Variants in PRKAG2 observed in about 807,000 individuals in gnomAD.
PRKAG2 encodes protein kinase AMP-activated non-catalytic subunit gamma 2.
In PRKAG2, 26 loss-of-function variants were observed where a neutral mutation model predicts 69.6. The observed-to-expected ratio is 0.37, with a 90% CI of 0.27 to 0.52. The LOEUF is 0.52. PRKAG2 is among the 20% of genes least tolerant of loss of function. The pLI, the probability that PRKAG2 is intolerant of heterozygous loss-of-function variation, is 0.90. For missense variants in PRKAG2, 557 were observed against 740.0 expected, an observed-to-expected ratio of 0.75 and a Z score of 2.87; for synonymous variants, 293 against 285.0, an observed-to-expected ratio of 1.03 and a Z score of -0.28.
Position 151,863,099 on chromosome 7 carries a change from G to A in PRKAG2, c.114+13408C>T, listed in dbSNP as rs184907586. On this transcript the variant is annotated intron_variant, in intron 1 of 15. Coordinates refer to ENST00000287878, the MANE Select transcript of PRKAG2 (RefSeq NM_016203.4). The stretch of plus-strand genomic sequence containing the variant: ...GTGCAGGGGGCGCTGGTAGGTCCCC[G>A]GGTGCAGGGACCACTGGTAGGTCCC... Among the ~76,000 whole-genome samples the A allele has an allele frequency of 3.9e-3, 589 of 150,620 alleles. 3 individuals carry two copies. Among genetic ancestry groups the A allele is most frequent in the Non-Finnish European group, 4.0e-3 (268 of 67,498 alleles).
intron 8 of PRKAG2, 50 bp downstream of exon 8, chr7:151,574,841 C>G: frequency 6.2e-7 from 1 of 1,612,628 alleles, no homozygotes; most frequent in Non-Finnish European, 8.5e-7. Flanking sequence ...TACACACATA[C>G]ATAGATACGT....
intron 3 of PRKAG2, among the ~76,000 whole-genome samples, chr7:151,748,405 A>C (rs754186834): frequency 2.4e-4 from 36 of 152,332 alleles, no homozygotes; most frequent in Middle Eastern, 6.8e-3. Flanking sequence ...TTTTTTTAAA[A>C]GAGAGCAGAG....
intron 1 of PRKAG2, among the ~76,000 whole-genome samples, chr7:151,849,525 A>G (rs2079520296): frequency 6.6e-6 from 1 of 152,170 alleles, no homozygotes; most frequent in Non-Finnish European, 1.5e-5. Flanking sequence ...GTAACAACAT[A>G]CACACACGGG....
At chr7:151,629,295 G>C (rs560988582) in intron 5 of PRKAG2, among the ~76,000 whole-genome samples, 1 of 152,192 alleles carries the variant, frequency 6.6e-6, no homozygotes, top group Admixed American at 6.5e-5. Context: ...CCGGCAGCAG[G>C]AGCGGCCCCT....
At chr7:151,616,155 C>T (rs1820087856) in intron 5 of PRKAG2, among the ~76,000 whole-genome samples, 1 of 152,194 alleles carries the variant, frequency 6.6e-6, no homozygotes, top group African/African-American at 2.4e-5. Context: ...TGCATGTGTG[C>T]CTTGGAGGGT....
chr7:151,752,329 C>T (rs1014608858), intron 3 of PRKAG2, among the ~76,000 whole-genome samples: 21 of 152,162 alleles, frequency 1.4e-4, no homozygotes, highest in Admixed American at 1.4e-3. Context: ...CATGTTCTCA[C>T]TTATGAGTGG....
At chr7:151,730,424 T>C (rs1468069729) in intron 3 of PRKAG2, among the ~76,000 whole-genome samples, 1 of 152,206 alleles carries the variant, frequency 6.6e-6, no homozygotes, top group Non-Finnish European at 1.5e-5. Flanking sequence ...CCTAGCACTT[T>C]GGGAAGCCAA....
intron 3 of PRKAG2, among the ~76,000 whole-genome samples, chr7:151,741,046 T>C (rs2073847522): frequency 6.6e-6 from 1 of 152,144 alleles, no homozygotes; most frequent in Admixed American, 6.5e-5. Context: ...AATTGTTTTC[T>C]CGATTTAAAA....
intron 3 of PRKAG2, among the ~76,000 whole-genome samples, chr7:151,721,733 TCA>T (rs1318638078): frequency 1.3e-5 from 2 of 152,190 alleles, no homozygotes; most frequent in African/African-American, 4.8e-5. Flanking sequence ...CCTCGGATAT[TCA>T]CAGTGTCAGG....
chr7:151,705,817 T>C (rs1838500169), intron 3 of PRKAG2, among the ~76,000 whole-genome samples: 1 of 152,130 alleles, frequency 6.6e-6, no homozygotes, highest in Non-Finnish European at 1.5e-5. Flanking sequence ...GGCACTTCCT[T>C]GTAGAAATCT....
intron 3 of PRKAG2, among the ~76,000 whole-genome samples, chr7:151,774,237 G>C (rs1036467979): frequency 2.0e-5 from 3 of 152,028 alleles, no homozygotes; most frequent in Non-Finnish European, 4.4e-5. Context: ...GAAAGACTAC[G>C]GCAACTCCAT....
chr7:151,708,521 T>A lies in PRKAG2; in HGVS notation c.467-32884A>T, dbSNP rs189744163. On this transcript the variant is annotated intron_variant, in intron 3 of 15. Coordinates refer to ENST00000287878, the MANE Select transcript of PRKAG2 (RefSeq NM_016203.4). ...CTTCTCTGTTTAGCAAAGGAATGCA[T>A]TTGTAACGAAGGATTTTCAGCCACC... Among the ~76,000 whole-genome samples the A allele has an allele frequency of 2.1e-3, 317 of 152,284 alleles. 1 individual carries two copies. The highest frequency in any genetic ancestry group is 7.3e-3 in the African/African-American group (305 of 41,578).
chr7:151,663,882 T>G (rs1467517364), intron 4 of PRKAG2, among the ~76,000 whole-genome samples: 1 of 152,220 alleles, frequency 6.6e-6, no homozygotes, highest in African/African-American at 2.4e-5. Context: ...CACAGATTAG[T>G]CACAGATTGG....
intron 3 of PRKAG2, among the ~76,000 whole-genome samples, chr7:151,720,984 C>T (rs533094700): frequency 3.8e-5 from 5 of 130,044 alleles, no homozygotes; most frequent in African/African-American, 8.9e-5. Context: ...ATGGAGCAGG[C>T]AGAGGGGATG....
At chr7:151,873,262 T>C (rs2080262977) in intron 1 of PRKAG2, among the ~76,000 whole-genome samples, 1 of 152,004 alleles carries the variant, frequency 6.6e-6, no homozygotes, top group Non-Finnish European at 1.5e-5. Context: ...TTAGTGGGAG[T>C]ATCACCCCCA....
At chr7:151,763,274 T>A (rs990413869) in intron 3 of PRKAG2, among the ~76,000 whole-genome samples, 11 of 152,250 alleles carry the variant, frequency 7.2e-5, no homozygotes, top group African/African-American at 2.7e-4. Context: ...GGTCTCCTGC[T>A]GTCCTGCTCC....
Position 151,595,442 on chromosome 7 carries a change from G to A in PRKAG2, c.767C>T (p.Ser256Leu), listed in dbSNP as rs2151134988. 1.2e-6 allele frequency: 2 copies of A among 1,613,354 alleles called. No individual in the cohort carries two copies. Among genetic ancestry groups the A allele is most frequent in the Non-Finnish European group, 1.7e-6 (2 of 1,179,504 alleles). Residue 256 changes from serine to leucine, a missense_variant, in exon 6 of 16, where the codon TCA (serine) becomes TTA (leucine). Ser to Leu is a moderately radical substitution (Grantham distance 145). Transcript: ENST00000287878. Reference sequence around the variant, plus strand: ...GAATCGCATGTAAACACCACTTTCTGAGTCTTCTACTGCTAAAAGAAAAAA... The same window carrying A: ...GAATCGCATGTAAACACCACTTTCTAAGTCTTCTACTGCTAAAAGAAAAAA... ...LEFEDEAVED[S>L]ESGVYMRFMR...
chr7:151,743,648 C>T (rs924184278), intron 3 of PRKAG2, among the ~76,000 whole-genome samples: 4 of 152,218 alleles, frequency 2.6e-5, no homozygotes, highest in African/African-American at 9.6e-5. Flanking sequence ...ACAGGTATCT[C>T]ACCCGCAGAA....
chr7:151,686,660 C>G (rs1039276460), intron 3 of PRKAG2, among the ~76,000 whole-genome samples: 5 of 152,216 alleles, frequency 3.3e-5, no homozygotes, highest in Non-Finnish European at 1.5e-5. Context: ...CTCCCCACCC[C>G]ACTCCAGCCC....
Sources: gnomAD v4.1 joint callset for allele counts (sites outside exome capture counted in the v4.1 genomes callset) on GRCh38, gnomAD v4.1.1 for gene constraint, MANE v1.5 for transcripts, NCBI Gene and HGNC (gene_info 2026-07-23, HGNC 2026-07-21) for gene names.